EPC2: variants seen among roughly 807,000 people sequenced by gnomAD.
The protein encoded by EPC2 is enhancer of polycomb homolog 2.
In EPC2, 14 loss-of-function variants were observed where a neutral mutation model predicts 92.1. That is an observed-to-expected ratio of 0.15 (90% CI 0.10 to 0.24). EPC2 has a LOEUF of 0.24. Among genes scored for constraint, EPC2 ranks in the 10% least tolerant of loss-of-function variants. The probability of loss-of-function intolerance (pLI) is 1.00; values close to 1 mark genes in which losing one functional copy is unlikely to be tolerated. For missense variants in EPC2, 755 were observed against 971.5 expected (o/e 0.78, Z 2.96); for synonymous variants, 340 against 334.7 (o/e 1.02, Z -0.17).
At chr2:148,679,549 G>A (rs1170884143) in intron 1 of EPC2, among the ~76,000 whole-genome samples, 1 of 152,142 alleles carries the variant, frequency 6.6e-6, no homozygotes, top group Non-Finnish European at 1.5e-5. Flanking sequence ...GAGAACATGG[G>A]CTTAAATCGT....
rs1358528360 is a variant in EPC2, at chr2:148,787,075, C to G, written c.*698C>G. On this transcript the variant is annotated 3_prime_UTR_variant, in exon 14 of 14. Coordinates refer to ENST00000258484, the MANE Select transcript of EPC2 (RefSeq NM_015630.4). ...GATACCAATTTATAAAAAATAATTA[C>G]ACAGAAAAAATGGAATAGGAAAAAT... The G allele has an allele frequency of 3.4e-5, 5 of 147,000 alleles. No individual in the cohort carries two copies. In the East Asian group the frequency reaches 1.0e-3, roughly 29 times the overall value. 9.1% of individuals were successfully genotyped at this position (147,000 alleles called of 1,614,324 possible). A position where few individuals can be genotyped will look rare whatever the true frequency, so the allele number is the denominator to read the frequency against.
At position 148,754,035 on chromosome 2, in the gene EPC2, C is replaced by T. The variant is rs371422691; in HGVS notation, c.568C>T (p.Leu190Phe). 35 of 1,611,326 alleles carry T rather than the reference C, an allele frequency of 2.2e-5. No homozygotes were observed. The highest frequency in any genetic ancestry group is 2.8e-5 in the Non-Finnish European group (33 of 1,178,822). The stretch of plus-strand genomic sequence containing the variant: ...ACGTAAAAACTGCAGGGGGCCATCC[C>T]TCATTCCTCAGATAAAACAAGAGAA... ...RKRKNCRGPS[L>F]IPQIKQEKRD... The change falls in exon 4 of 14, where the codon CTC becomes TTC. Residue 190 changes from leucine to phenylalanine, a missense_variant. Transcript: ENST00000258484.
intron 2 of EPC2, among the ~76,000 whole-genome samples, chr2:148,705,176 G>C (rs1307042871): frequency 6.6e-6 from 1 of 151,904 alleles, no homozygotes; most frequent in Non-Finnish European, 1.5e-5. Flanking sequence ...ATAATTCCTT[G>C]ATAGCACCTA....
At chr2:148,772,018 C>G (rs568086755) in intron 10 of EPC2, among the ~76,000 whole-genome samples, 1 of 152,050 alleles carries the variant, frequency 6.6e-6, no homozygotes. Flanking sequence ...AGGCCAGTCT[C>G]GAAATCCTGA....
chr2:148,724,243 T>C (rs1267665577), intron 2 of EPC2, among the ~76,000 whole-genome samples: 1 of 152,108 alleles, frequency 6.6e-6, no homozygotes, highest in Non-Finnish European at 1.5e-5. Context: ...AATATTTTTG[T>C]TTTATAATTT....
intron 5 of EPC2, 38 bp from the exon 6 acceptor site, chr2:148,762,632 T>C: frequency 6.9e-7 from 1 of 1,446,670 alleles, no homozygotes; most frequent in East Asian, 2.4e-5. Context: ...ATTGTCAAAC[T>C]ATGCAATGTT....
intron 2 of EPC2, among the ~76,000 whole-genome samples, chr2:148,725,188 G>C (rs540765559): frequency 1.5e-4 from 23 of 152,038 alleles, no homozygotes; most frequent in Admixed American, 6.5e-4. Context: ...TAAACATTTT[G>C]TTTTACTTTT....
chr2:148,656,058 G>A (rs1680791810), intron 1 of EPC2, among the ~76,000 whole-genome samples: 1 of 125,768 alleles, frequency 8.0e-6, no homozygotes, highest in African/African-American at 2.8e-5. Context: ...AAAATTTCTA[G>A]ACAAAGGCTT....
At chr2:148,666,456 T>TA (rs1005930466) in intron 1 of EPC2, among the ~76,000 whole-genome samples, 3 of 152,148 alleles carry the variant, frequency 2.0e-5, no homozygotes, top group Non-Finnish European at 2.9e-5. Context: ...AGGACCAATT[T>TA]AAAAAAAATT....
chr2:148,743,537 A>G, intron 2 of EPC2, 85 bp from the exon 3 acceptor site: 1 of 1,087,198 alleles, frequency 9.2e-7, no homozygotes, highest in East Asian at 2.8e-5. Context: ...ACTGTAATTT[A>G]GAGGTAGTCT....
At chr2:148,760,033 A>T (rs891784916) in intron 4 of EPC2, among the ~76,000 whole-genome samples, 3 of 152,214 alleles carry the variant, frequency 2.0e-5, no homozygotes, top group African/African-American at 7.2e-5. Context: ...ATTTGAGGTC[A>T]GGAGTTTGAG....
intron 2 of EPC2, among the ~76,000 whole-genome samples, chr2:148,697,374 C>T (rs576846682): frequency 6.6e-6 from 1 of 151,570 alleles, no homozygotes; most frequent in East Asian, 1.9e-4. Context: ...ATAGAAAAGG[C>T]AGACGTGTAT....
chr2:148,768,877 TATTA>T (rs1683465302), intron 7 of EPC2, among the ~76,000 whole-genome samples: 1 of 152,234 alleles, frequency 6.6e-6, no homozygotes, highest in Non-Finnish European at 1.5e-5. Flanking sequence ...ATAAAAACTG[TATTA>T]ATTCTAAGAC....
chr2:148,690,093 A>G (rs903062766), intron 1 of EPC2, 121 bp from the exon 2 acceptor site: 11 of 941,310 alleles, frequency 1.2e-5, no homozygotes, highest in Non-Finnish European at 1.7e-5. Flanking sequence ...TTGGCAAAGG[A>G]ACTATTTATA....
chr2:148,654,833 G>A (rs980551167), intron 1 of EPC2, among the ~76,000 whole-genome samples: 4 of 152,118 alleles, frequency 2.6e-5, no homozygotes, highest in South Asian at 4.1e-4. Flanking sequence ...CACTTAATCC[G>A]TAGAGTAATA....
chr2:148,727,593 T>C (rs543077021), intron 2 of EPC2, among the ~76,000 whole-genome samples: 1 of 152,340 alleles, frequency 6.6e-6, no homozygotes, highest in African/African-American at 2.4e-5. Context: ...TATATAATGT[T>C]ATTTTAATGT....
chr2:148,768,396 A>G (rs1683455657), intron 7 of EPC2, among the ~76,000 whole-genome samples: 1 of 152,222 alleles, frequency 6.6e-6, no homozygotes, highest in Admixed American at 6.5e-5. Flanking sequence ...GGTCAATGCT[A>G]CTGCCCTAGA....
At chr2:148,776,852 CTCTCTT>C (rs1683654185) in intron 10 of EPC2, among the ~76,000 whole-genome samples, 1 of 99,856 alleles carries the variant, frequency 1.0e-5, no homozygotes, top group Non-Finnish European at 1.9e-5. Context: ...CCCTGTCTCT[CTCTCTT>C]TTTTTTTTTT....
intron 2 of EPC2, among the ~76,000 whole-genome samples, chr2:148,741,036 A>G (rs1462698709): frequency 6.6e-6 from 1 of 152,332 alleles, no homozygotes; most frequent in African/African-American, 2.4e-5. Context: ...ATTGATTATC[A>G]TATAATAAAG....
Sources: allele counts gnomAD v4.1 joint callset (sites outside exome capture counted in the v4.1 genomes callset), GRCh38; gene constraint gnomAD v4.1.1; transcripts MANE v1.5; gene names NCBI Gene and HGNC (gene_info 2026-07-23, HGNC 2026-07-21).